COX11: variants seen among roughly 807,000 people sequenced by gnomAD.
COX11 encodes cytochrome c oxidase copper chaperone COX11, also known as cytochrome c oxidase assembly protein COX11, mitochondrial.
COX11 carries 18 observed loss-of-function variants against 29.4 expected under a neutral mutation model. The observed-to-expected ratio is 0.61, with a 90% CI of 0.42 to 0.91. COX11 has a LOEUF of 0.91. Ranked by LOEUF, COX11 falls within the 40% of genes least tolerant of loss-of-function variation. The probability of loss-of-function intolerance (pLI) is 0.00; values close to 1 mark genes in which losing one functional copy is unlikely to be tolerated. For synonymous variants in COX11, 131 were observed against 124.0 expected (o/e 1.06, Z -0.38); for missense variants, 312 against 346.0 (o/e 0.90, Z 0.78).
downstream of COX11, among the ~76,000 whole-genome samples, chr17:54,958,748 A>AAAAAAAAAAAAAG (rs372776781): frequency 2.0e-3 from 238 of 118,910 alleles, 8 homozygotes; most frequent in Middle Eastern, 4.3e-3. Context: ...AAAAAAAAAA[A>AAAAAAAAAAAAAG]GGGGTTGTTG....
chr17:54,957,366 A>G (rs1313324693), downstream of COX11: 2 of 152,214 alleles, frequency 1.3e-5, no homozygotes, highest in Admixed American at 6.5e-5. Flanking sequence ...CACTGATCAT[A>G]TTAGTGGTTT....
intron 1 of COX11, among the ~76,000 whole-genome samples, chr17:54,965,561 T>TA (rs1325822720): frequency 6.6e-6 from 1 of 152,038 alleles, no homozygotes; most frequent in African/African-American, 2.4e-5. Context: ...ACATCACTTT[T>TA]AAAAAAAGCC....
rs1364775991 is a variant in COX11 at position 54,961,526 on chromosome 17, T to C, written c.*1207A>G. 5 of 1,398,556 alleles carry C rather than the reference T, an allele frequency of 3.6e-6. No homozygotes were observed. The highest frequency in any genetic ancestry group is 1.6e-5 in the South Asian group (1 of 61,858). The allele number at this position is 1,398,556 out of a possible 1,614,324, so 86.6% of individuals were successfully genotyped here. The stretch of plus-strand genomic sequence containing the variant: ...CAACCAATTTAACTGCAGTGTCATG[T>C]TTCACAGGCCTTCCTACATTTAGAA... On this transcript the variant is annotated 3_prime_UTR_variant, in exon 4 of 4. Transcript: ENST00000299335.
At chr17:54,952,532 G>C (rs1414834508) in exon 1 of COX11, 1 of 127,096 alleles carries the variant, frequency 7.9e-6, no homozygotes, top group Non-Finnish European at 1.6e-5. Context: ...CTGGGCAACA[G>C]AGCGAGACTG....
rs759158496 is a variant in COX11 at position 54,968,554 on chromosome 17, C to T, written c.93G>A (p.Arg31=). The change falls in exon 1 of 4, where the codon AGG becomes AGA. Residue 31 remains arginine, a synonymous_variant. Transcript: ENST00000299335. ...HPGSPTRAAE[R]VEPFLRPEWS... ...ACTCTGGCCTAAGAAACGGCTCTAC[C>T]CTCTCTGCAGCCCTGGTTGGAGACC... 3.1e-6 allele frequency: 5 copies of T among 1,612,966 alleles called. No individual in the cohort carries two copies. Among genetic ancestry groups the T allele is most frequent in the African/African-American group, 1.3e-5 (1 of 74,878 alleles).
Position 54,964,915 on chromosome 17 carries a change from T to C in COX11, c.367-63A>G, listed in dbSNP as rs2077191976. On this transcript the variant is annotated intron_variant, in intron 1 of 3. Transcript: ENST00000299335. ...AGGTGTTGATGATCTATTTATTTGA[T>C]AAAAGTTTAAAAACAATGTAGTATT... The C allele has an allele frequency of 1.3e-6, 2 of 1,499,142 alleles. 1 individual carries two copies. The highest frequency in any genetic ancestry group is 2.3e-5 in the South Asian group (2 of 85,684). The allele number at this position is 1,499,142 out of a possible 1,614,324, so 92.9% of individuals were successfully genotyped here. A position where few individuals can be genotyped will look rare whatever the true frequency, so the allele number is the denominator to read the frequency against.
At position 54,961,575 on chromosome 17, in the gene COX11, G is replaced by C. The variant is rs1415352184; in HGVS notation, c.*1158C>G. The C allele has an allele frequency of 7.8e-7, 1 of 1,281,462 alleles. No homozygotes were observed. Among genetic ancestry groups the C allele is most frequent in the African/African-American group, 1.5e-5 (1 of 65,708 alleles). The allele number at this position is 1,281,462 out of a possible 1,614,324, so 79.4% of individuals were successfully genotyped here. A position where few individuals can be genotyped will look rare whatever the true frequency, so the allele number is the denominator to read the frequency against. ...AAATCGTCACACAGCTGTGATAAGA[G>C]TAGATTATTTTACTATGAAATAATT... On this transcript the variant is annotated 3_prime_UTR_variant, in exon 4 of 4. Transcript: ENST00000299335.
intron 1 of COX11, 150 bp downstream of exon 1, chr17:54,968,131 A>C (rs1377530873): frequency 1.6e-6 from 2 of 1,256,160 alleles, no homozygotes; most frequent in Non-Finnish European, 1.1e-6. Context: ...TTGGGTGTTA[A>C]GTGACTGTTT....
exon 1 of COX11, chr17:54,952,522 C>T (rs920483956): frequency 7.6e-6 from 1 of 130,964 alleles, no homozygotes; most frequent in Admixed American, 9.6e-5. Context: ...GCATTCCAAC[C>T]TGGGCAACAG....
rs1273690573 is a variant in COX11, at chr17:54,961,232, T to C, written c.*1501A>G. The C allele has an allele frequency of 1.3e-6, 2 of 1,515,524 alleles. No homozygotes were observed. Among genetic ancestry groups the C allele is most frequent in the African/African-American group, 2.8e-5 (2 of 72,422 alleles). 93.9% of individuals were successfully genotyped at this position (1,515,524 alleles called of 1,614,324 possible). ...ACTGGCCATTTTCTTCTCTTTATTT[T>C]AGAAGAAAGTGGATGATCAGCTCAC... On this transcript the variant is annotated 3_prime_UTR_variant, in exon 4 of 4. Transcript: ENST00000299335.
intron 1 of COX11, among the ~76,000 whole-genome samples, chr17:54,967,031 TGC>T (rs34688822): frequency 0.055 from 4,962 of 90,014 alleles, 278 homozygotes; most frequent in African/African-American, 0.15. Context: ...TAAATAAACG[TGC>T]GCGCGCGCGC....
chr17:54,964,539 T>G lies in COX11; in HGVS notation c.522+158A>C. ...ATGTAACAGAATTTATACTTTAACT[T>G]TTAAGTTACATGATAGTAAAAGTCA... On this transcript the variant is annotated intron_variant, in intron 2 of 3. Coordinates refer to ENST00000299335, the MANE Select transcript of COX11 (RefSeq NM_004375.5). 4.6e-6 allele frequency: 3 copies of G among 656,354 alleles called. No individual in the cohort carries two copies. The South Asian group carries it at 5.7e-5, about 13-fold the overall frequency. 40.7% of individuals were successfully genotyped at this position (656,354 alleles called of 1,614,324 possible).
chr17:54,961,076 T>G lies in COX11; in HGVS notation c.*1657A>C. ...CACCAATGAACTATCAAAACTTATT[T>G]ATTCCCCTTATACCCTCCCCTATGG... On this transcript the variant is annotated 3_prime_UTR_variant, in exon 4 of 4. Transcript: ENST00000299335. The G allele has an allele frequency of 1.6e-6, 1 of 631,910 alleles. No homozygotes were observed. The highest frequency in any genetic ancestry group is 2.9e-5 in the Admixed American group (1 of 34,324). The allele number at this position is 631,910 out of a possible 1,614,324, so 39.1% of individuals were successfully genotyped here.
At chr17:54,959,243 T>C (rs1277252672), downstream of COX11, 1 of 152,170 alleles carries the variant, frequency 6.6e-6, no homozygotes, top group Admixed American at 6.5e-5. Flanking sequence ...CTCAGCCATG[T>C]TTTGCTATAC....
downstream of COX11, among the ~76,000 whole-genome samples, chr17:54,955,464 A>G (rs2049453559): frequency 6.6e-6 from 1 of 152,184 alleles, no homozygotes; most frequent in Non-Finnish European, 1.5e-5. Context: ...CTCCTCATCA[A>G]ACTAACAGCA....
intron 1 of COX11, 89 bp downstream of exon 1, chr17:54,968,192 G>T: frequency 1.3e-6 from 2 of 1,530,600 alleles, no homozygotes; most frequent in South Asian, 1.3e-5. Context: ...TTCCACCTAC[G>T]ACCCGCAGAG....
intron 1 of COX11, among the ~76,000 whole-genome samples, chr17:54,967,038 G>GCACACACA (rs1465499844): frequency 4.0e-5 from 4 of 100,214 alleles, no homozygotes; most frequent in African/African-American, 1.0e-4. Context: ...ACGTGCGCGC[G>GCACACACA]CGCGCACACA....
At position 54,960,906 on chromosome 17, in the gene COX11, C is replaced by T. The variant is rs1032715473; in HGVS notation, c.*1827G>A. On this transcript the variant is annotated 3_prime_UTR_variant, in exon 4 of 4. Coordinates refer to ENST00000299335, the MANE Select transcript of COX11 (RefSeq NM_004375.5). ...CAAAATAGATGAGCAATAGGAGTAG[C>T]ACTGAAATCAGGCATTTGTTTTTCA... Among the ~76,000 whole-genome samples the T allele has an allele frequency of 6.6e-6, 1 of 152,176 alleles. No individual in the cohort carries two copies. Among genetic ancestry groups the T allele is most frequent in the Non-Finnish European group, 1.5e-5 (1 of 68,040 alleles).
At chr17:54,957,214 G>A (rs1272700144), downstream of COX11, 4 of 152,084 alleles carry the variant, frequency 2.6e-5, no homozygotes, top group African/African-American at 9.7e-5. Flanking sequence ...TGATATTCTG[G>A]TCCCTGGTTT....
Sources: gnomAD v4.1 joint callset for allele counts (sites outside exome capture counted in the v4.1 genomes callset) on GRCh38, gnomAD v4.1.1 for gene constraint, MANE v1.5 for transcripts, NCBI Gene and HGNC (gene_info 2026-07-23, HGNC 2026-07-21) for gene names.